The following RHOQ variants were observed in gnomAD, a reference collection of about 807,000 sequenced individuals.
RHOQ encodes the protein rho-related GTP-binding protein RhoQ.
RHOQ carries 7 observed loss-of-function variants against 25.8 expected under a neutral mutation model. That is an observed-to-expected ratio of 0.27 (90% confidence interval 0.15 to 0.51). RHOQ has a LOEUF of 0.51. Among genes scored for constraint, RHOQ ranks in the 20% least tolerant of loss-of-function variants. The pLI is 0.97. For synonymous variants in RHOQ, 97 were observed against 98.6 expected, an observed-to-expected ratio of 0.98 and a Z score of 0.10; for missense variants, 165 against 260.6, an observed-to-expected ratio of 0.63 and a Z score of 2.53.
chr2:46,568,160 A>AT (rs368503048), intron 2 of RHOQ: 1 of 152,224 alleles, frequency 6.6e-6, no homozygotes, highest in African/African-American at 2.4e-5. Flanking sequence ...GATTCATGCG[A>AT]TTATAAAAGG....
intron 4 of RHOQ, among the ~76,000 whole-genome samples, chr2:46,578,562 T>C (rs1178144105): frequency 1.7e-5 from 1 of 57,788 alleles, no homozygotes; most frequent in African/African-American, 5.7e-5. Flanking sequence ...TGAAACCCCA[T>C]CTCTACCAAA....
chr2:46,557,302 T>C (rs900989722), intron 2 of RHOQ, among the ~76,000 whole-genome samples: 1 of 152,228 alleles, frequency 6.6e-6, no homozygotes, highest in Non-Finnish European at 1.5e-5. Flanking sequence ...TGATAAATTA[T>C]AAACACATTG....
chr2:46,571,154 C>A (rs1228550211), intron 2 of RHOQ, among the ~76,000 whole-genome samples: 1 of 152,200 alleles, frequency 6.6e-6, no homozygotes, highest in Admixed American at 6.5e-5. Context: ...TTCTTAGTGT[C>A]CCCTCATTAC....
At chr2:46,560,625 T>A (rs1300408128) in intron 2 of RHOQ, 4 of 456,162 alleles carry the variant, frequency 8.8e-6, no homozygotes, top group African/African-American at 8.0e-5. Flanking sequence ...GAGCATGGGT[T>A]TCCAGTGGCC....
At position 46,581,919 on chromosome 2, in the gene RHOQ, T is replaced by C. The variant is rs1295110736; in HGVS notation, c.*836T>C. The C allele has an allele frequency of 4.8e-6, 1 of 207,774 alleles. No individual in the cohort carries two copies. Among genetic ancestry groups the C allele is most frequent in the African/African-American group, 2.4e-5 (1 of 42,360 alleles). The allele number at this position is 207,774 out of a possible 1,614,324, so 12.9% of individuals were successfully genotyped here. A position where few individuals can be genotyped will look rare whatever the true frequency, so the allele number is the denominator to read the frequency against. ...ACTCAATTTAGCTCTCTGAACTAGT[T>C]GGTAATTTTTTTTTTTTAATTCCCA... On this transcript the variant is annotated 3_prime_UTR_variant, in exon 5 of 5. Transcript: ENST00000238738.
intron 2 of RHOQ, among the ~76,000 whole-genome samples, chr2:46,575,429 A>T (rs866749975): frequency 5.1e-4 from 78 of 151,872 alleles, no homozygotes; most frequent in African/African-American, 1.9e-3. Flanking sequence ...ACACACACAC[A>T]CACACACACA....
intron 1 of RHOQ, 47 bp from the exon 2 acceptor site, chr2:46,543,707 C>T (rs1667928241): frequency 6.3e-7 from 1 of 1,578,442 alleles, no homozygotes. Context: ...CCCCAGAGCC[C>T]AGGTCACTGT....
chr2:46,553,612 G>A (rs1339394785), intron 2 of RHOQ, among the ~76,000 whole-genome samples: 3 of 150,126 alleles, frequency 2.0e-5, no homozygotes, highest in Admixed American at 6.6e-5. Context: ...ACAGAGTCTC[G>A]CTCTATCGCC....
chr2:46,549,709 CTT>C (rs1668180615), intron 2 of RHOQ, among the ~76,000 whole-genome samples: 1 of 152,304 alleles, frequency 6.6e-6, no homozygotes, highest in Admixed American at 6.5e-5. Flanking sequence ...TGTCATTCCT[CTT>C]TTGGTTTCTG....
At chr2:46,568,027 C>T (rs1668789341) in intron 2 of RHOQ, among the ~76,000 whole-genome samples, 1 of 152,170 alleles carries the variant, frequency 6.6e-6, no homozygotes, top group Non-Finnish European at 1.5e-5. Flanking sequence ...TGTGATCATG[C>T]TACTGCACTC....
In RHOQ at chr2:46,563,837, G is replaced by A. The variant is rs75514546; in HGVS notation, c.202-12250G>A. 3.6e-3 allele frequency among the ~76,000 whole-genome samples: 554 copies of A among 151,932 alleles called. 3 individuals are homozygous for A. Among genetic ancestry groups the A allele is most frequent in the African/African-American group, 0.013 (526 of 41,458 alleles). On this transcript the variant is annotated intron_variant, in intron 2 of 4. Coordinates refer to ENST00000238738, the MANE Select transcript of RHOQ (RefSeq NM_012249.4). ...CTCTTTTTTTCTCTTTTTCTTAATG[G>A]AGACAGGGTCTCCCTATGTTGCCCA...
intron 2 of RHOQ, chr2:46,568,650 C>T (rs1359022995): frequency 1.3e-5 from 2 of 152,172 alleles, no homozygotes; most frequent in Non-Finnish European, 2.9e-5. Flanking sequence ...CATTGTGGCA[C>T]CACGGCTCCC....
intron 2 of RHOQ, chr2:46,572,778 C>T (rs1279381361): frequency 4.4e-6 from 2 of 453,912 alleles, no homozygotes; most frequent in Non-Finnish European, 8.9e-6. Context: ...ATAAGTCGAT[C>T]TTTTAAAAGT....
At chr2:46,559,372 C>T (rs1668501636) in intron 2 of RHOQ, among the ~76,000 whole-genome samples, 1 of 152,136 alleles carries the variant, frequency 6.6e-6, no homozygotes, top group Non-Finnish European at 1.5e-5. Context: ...TTTTGTCTCT[C>T]TGTGTAATCT....
intron 2 of RHOQ, among the ~76,000 whole-genome samples, chr2:46,573,276 C>G (rs11903907): frequency 0.14 from 21,746 of 152,140 alleles, 2,349 homozygotes; most frequent in African/African-American, 0.3. Context: ...ATTGGCCAGG[C>G]TGATCTTGGA....
In RHOQ at chr2:46,576,087, G is replaced by C; in HGVS notation, c.202G>C (p.Glu68Gln). ...AATGAGGCTTTTCTTTGTTCCTCAG[G>C]AAGACTATGACCGTCTGAGGCCTTT... is the stretch of plus-strand genomic sequence containing the variant. ...LLGLYDTAGQEDYDRLRPLSY... is the reference protein window; with the variant it reads ...LLGLYDTAGQQDYDRLRPLSY... The change falls in exon 3 of 5, where the codon GAA (glutamate) becomes CAA (glutamine). Residue 68 changes from glutamate to glutamine, a missense_variant and splice_region_variant. Physicochemically the swap from Glu to Gln is conservative, Grantham distance 29 (BLOSUM62 2). Coordinates refer to ENST00000238738, the MANE Select transcript of RHOQ (RefSeq NM_012249.4). The surrounding 1 kb of genome is among the most constrained non-coding windows in gnomAD (Gnocchi z 5.1). The C allele has an allele frequency of 6.3e-7, 1 of 1,589,520 alleles. No individual in the cohort carries two copies. The highest frequency in any genetic ancestry group is 8.5e-7 in the Non-Finnish European group (1 of 1,171,124).
intron 2 of RHOQ, among the ~76,000 whole-genome samples, chr2:46,565,099 G>A (rs1043633721): frequency 2.0e-5 from 3 of 152,176 alleles, no homozygotes; most frequent in African/African-American, 4.8e-5. Context: ...CAGGAGCTAC[G>A]TTGGACAAGC....
intron 2 of RHOQ, among the ~76,000 whole-genome samples, chr2:46,546,232 C>T (rs1284459881): frequency 6.6e-6 from 1 of 151,484 alleles, no homozygotes; most frequent in African/African-American, 2.4e-5. Context: ...TCTACCACAG[C>T]TGATGTCAGC....
At chr2:46,561,271 G>T (rs1668570066) in intron 2 of RHOQ, among the ~76,000 whole-genome samples, 1 of 151,962 alleles carries the variant, frequency 6.6e-6, no homozygotes, top group African/African-American at 2.4e-5. Context: ...TGAGGGGAGG[G>T]TCTGGACAGT....
Sources: allele counts gnomAD v4.1 joint callset (sites outside exome capture counted in the v4.1 genomes callset), GRCh38; gene constraint gnomAD v4.1.1; non-coding constraint Gnocchi (gnomAD v3.1); transcripts MANE v1.5; gene names NCBI Gene and HGNC (gene_info 2026-07-23, HGNC 2026-07-21).